Variants in RNF150 observed in about 807,000 individuals in gnomAD.
The protein encoded by RNF150 is ring finger protein 150.
Under a neutral mutation model 39.3 loss-of-function variants are expected in RNF150, and 24 were observed. The observed-to-expected ratio is 0.61, with a 90% CI of 0.44 to 0.86. The LOEUF (loss-of-function observed/expected upper bound fraction) is 0.86, where lower values mean the gene tolerates loss of function less well. Among genes scored for constraint, RNF150 ranks in the 40% least tolerant of loss-of-function variants. The probability of loss-of-function intolerance (pLI) is 0.00; values close to 1 mark genes in which losing one functional copy is unlikely to be tolerated. For synonymous variants in RNF150, 255 were observed against 227.3 expected, an observed-to-expected ratio of 1.12 and a Z score of -1.10; for missense variants, 502 against 587.8, an observed-to-expected ratio of 0.85 and a Z score of 1.51.
Position 141,132,717 on chromosome 4 carries a change from A to G in RNF150, c.92T>C (p.Phe31Ser). 1.2e-6 allele frequency: 2 copies of G among 1,609,778 alleles called. No individual in the cohort carries two copies. The highest frequency in any genetic ancestry group is 1.7e-6 in the Non-Finnish European group (2 of 1,178,332). The change falls in exon 1 of 7, where the codon TTT becomes TCT. Residue 31 changes from phenylalanine to serine, a missense_variant. By Grantham distance (155) the Phe-to-Ser change is radical (BLOSUM62 -2). Coordinates refer to ENST00000515673, the MANE Select transcript of RNF150 (RefSeq NM_020724.2). The surrounding 1 kb of genome is among the most constrained non-coding windows in gnomAD (Gnocchi z 4.9). ...CCATTCCTCCTTCTCGGCCACGGTA[A>G]AGTCCAGGCAGAGCAGATGCACGAA... Reference protein sequence around the residue: ...FCFVHLLCLDFTVAEKEEWYT... With the variant: ...FCFVHLLCLDSTVAEKEEWYT...
At chr4:141,040,519 A>T (rs17006819) in intron 1 of RNF150, among the ~76,000 whole-genome samples, 3 of 152,186 alleles carry the variant, frequency 2.0e-5, no homozygotes, top group South Asian at 2.1e-4. Flanking sequence ...GAGCCATGAC[A>T]AAACTAATGC....
chr4:140,999,374 A>G (rs928788397), intron 1 of RNF150, among the ~76,000 whole-genome samples: 4 of 152,346 alleles, frequency 2.6e-5, no homozygotes, highest in South Asian at 2.1e-4. Flanking sequence ...CATCATAATG[A>G]AACAGCCATA....
chr4:141,188,498 C>T (rs1911518), intron 1 of RNF150, among the ~76,000 whole-genome samples: 81,826 of 151,976 alleles, frequency 0.54, 22,511 homozygotes, highest in East Asian at 0.81. Context: ...CAATCGTAGG[C>T]TTGATCTTTT....
chr4:141,174,460 CA>C (rs1727776325), intron 1 of RNF150, among the ~76,000 whole-genome samples: 1 of 152,128 alleles, frequency 6.6e-6, no homozygotes, highest in African/African-American at 2.4e-5. Context: ...TTACTTAAGC[CA>C]CTATTATTTT....
intron 1 of RNF150, among the ~76,000 whole-genome samples, chr4:141,168,356 A>G (rs921048005): frequency 2.0e-5 from 3 of 152,204 alleles, no homozygotes; most frequent in African/African-American, 7.2e-5. Flanking sequence ...GGGATTGTAA[A>G]TTAGTCAACC....
At chr4:140,899,367 T>C (rs1370158304) in intron 6 of RNF150, among the ~76,000 whole-genome samples, 1 of 152,202 alleles carries the variant, frequency 6.6e-6, no homozygotes, top group Non-Finnish European at 1.5e-5. Context: ...AACTGAACTT[T>C]ATCAGAAGCA....
intron 1 of RNF150, among the ~76,000 whole-genome samples, chr4:141,207,012 G>A (rs925371320): frequency 6.8e-6 from 1 of 146,046 alleles, no homozygotes; most frequent in Non-Finnish European, 1.5e-5. Flanking sequence ...GAAGAAGGCA[G>A]CCAGCCAGTC....
At chr4:141,158,475 A>T (rs1022340000) in intron 1 of RNF150, among the ~76,000 whole-genome samples, 1 of 143,330 alleles carries the variant, frequency 7.0e-6, no homozygotes, top group Non-Finnish European at 1.5e-5. Context: ...AAAAAAAAAA[A>T]GCCTAATCCT....
At chr4:141,158,733 C>T (rs1268050806) in intron 1 of RNF150, among the ~76,000 whole-genome samples, 1 of 152,114 alleles carries the variant, frequency 6.6e-6, no homozygotes, top group African/African-American at 2.4e-5. Flanking sequence ...AAAGTTATCC[C>T]TACCCCGCCC....
intron 1 of RNF150, among the ~76,000 whole-genome samples, chr4:141,098,801 C>T (rs1202046604): frequency 6.6e-6 from 1 of 152,194 alleles, no homozygotes; most frequent in Non-Finnish European, 1.5e-5. Flanking sequence ...TTTCCTTCCT[C>T]ATTGTACAAG....
At chr4:140,980,335 G>A (rs568123637) in intron 1 of RNF150, among the ~76,000 whole-genome samples, 1 of 152,178 alleles carries the variant, frequency 6.6e-6, no homozygotes, top group East Asian at 1.9e-4. Flanking sequence ...AAGCCACCAT[G>A]CCCGATCCCC....
rs769762013 is a variant in RNF150, at chr4:141,132,707, G to C, written c.102C>G (p.Ala34=). The C allele has an allele frequency of 1.9e-6, 3 of 1,609,514 alleles. No homozygotes were observed. In the East Asian group the frequency reaches 6.7e-5, roughly 36 times the overall value. The change falls in exon 1 of 7, where the codon GCC becomes GCG. Residue 34 remains alanine (A), a synonymous_variant. Coordinates refer to ENST00000515673, the MANE Select transcript of RNF150 (RefSeq NM_020724.2). This position sits in a 1 kb window ranked among gnomAD's most constrained non-coding sequence, Gnocchi z 4.9. ...AGGCGGTGTACCATTCCTCCTTCTC[G>C]GCCACGGTAAAGTCCAGGCAGAGCA... The part of the protein sequence containing the change: ...VHLLCLDFTV[A]EKEEWYTAFV...
intron 1 of RNF150, among the ~76,000 whole-genome samples, chr4:141,208,615 TA>T (rs1290409561): frequency 1.3e-5 from 2 of 152,074 alleles, no homozygotes; most frequent in East Asian, 3.9e-4. Flanking sequence ...ATGGAAAGTC[TA>T]TTGAGGTTAC....
intron 4 of RNF150, among the ~76,000 whole-genome samples, chr4:140,936,453 G>T (rs1731866432): frequency 6.6e-6 from 1 of 152,006 alleles, no homozygotes; most frequent in South Asian, 2.1e-4. Context: ...TTGGAAAAAT[G>T]GGTTTAAAAA....
At chr4:141,143,656 C>G (rs1212281221) in intron 1 of RNF150, among the ~76,000 whole-genome samples, 2 of 152,228 alleles carry the variant, frequency 1.3e-5, no homozygotes, top group East Asian at 3.8e-4. Context: ...CTTTTCCGGT[C>G]TGCCCCTGCC....
chr4:141,077,145 C>T (rs1456619141), intron 1 of RNF150, among the ~76,000 whole-genome samples: 1 of 152,148 alleles, frequency 6.6e-6, no homozygotes, highest in East Asian at 1.9e-4. Flanking sequence ...GTTATACCCA[C>T]TCAAAATGAG....
chr4:141,206,986 G>C (rs1463714675), intron 1 of RNF150, among the ~76,000 whole-genome samples: 2 of 151,784 alleles, frequency 1.3e-5, no homozygotes, highest in East Asian at 3.9e-4. Flanking sequence ...ATGGAAGCAA[G>C]TGTCCAGCAT....
chr4:141,125,031 G>A (rs767969499), intron 1 of RNF150, among the ~76,000 whole-genome samples: 3 of 152,076 alleles, frequency 2.0e-5, no homozygotes, highest in Non-Finnish European at 2.9e-5. Flanking sequence ...TGGAATGGGC[G>A]AAGTAAAAAA....
chr4:141,205,984 G>T (rs1243816868), intron 1 of RNF150, among the ~76,000 whole-genome samples: 1 of 152,156 alleles, frequency 6.6e-6, no homozygotes, highest in African/African-American at 2.4e-5. Context: ...CCCTCTATAA[G>T]ATGATCCACT....
Sources: allele counts gnomAD v4.1 joint callset (sites outside exome capture counted in the v4.1 genomes callset), GRCh38; gene constraint gnomAD v4.1.1; non-coding constraint Gnocchi (gnomAD v3.1); transcripts MANE v1.5; gene names NCBI Gene and HGNC (gene_info 2026-07-23, HGNC 2026-07-21).